The following TAS2R1 variants were observed in gnomAD, a reference collection of about 807,000 sequenced individuals.
TAS2R1 encodes the protein taste receptor type 2 member 1.
For missense variants in TAS2R1, 370 were observed against 353.4 expected (o/e 1.05, Z -0.38); for synonymous variants, 141 against 134.2 (o/e 1.05, Z -0.35).
the TAS2R1 span, among the ~76,000 whole-genome samples, chr5:9,880,923 G>A: frequency 1.3e-5 from 2 of 152,122 alleles, no homozygotes; most frequent in East Asian, 3.9e-4. Context: ...CCTCGCTGCA[G>A]GAATTTCAGC....
chr5:9,772,453 G>A, the TAS2R1 span, among the ~76,000 whole-genome samples: 8 of 152,006 alleles, frequency 5.3e-5, no homozygotes, highest in South Asian at 2.1e-4. Flanking sequence ...TGATCTTTGC[G>A]CTGAGGAGAA....
chr5:9,768,795 C>T, the TAS2R1 span, among the ~76,000 whole-genome samples: 1 of 152,078 alleles, frequency 6.6e-6, no homozygotes, highest in Non-Finnish European at 1.5e-5. Context: ...TTTATGGGTA[C>T]GTAATAGGTG....
the TAS2R1 span, among the ~76,000 whole-genome samples, chr5:9,840,465 G>C: frequency 2.0e-5 from 3 of 152,000 alleles, no homozygotes; most frequent in Non-Finnish European, 2.9e-5. Context: ...ATAAAGATTA[G>C]GGCATGCACT....
chr5:9,777,730 T>C, the TAS2R1 span, among the ~76,000 whole-genome samples: 2 of 152,248 alleles, frequency 1.3e-5, no homozygotes, highest in Non-Finnish European at 2.9e-5. Flanking sequence ...TATAGCCTTA[T>C]GAAAACATTT....
the TAS2R1 span, among the ~76,000 whole-genome samples, chr5:9,740,056 T>A: frequency 6.6e-6 from 1 of 151,986 alleles, no homozygotes; most frequent in African/African-American, 2.4e-5. Context: ...ATCACAGGAG[T>A]TGTCTAGTCC....
chr5:9,797,600 G>C, the TAS2R1 span, among the ~76,000 whole-genome samples: 2 of 152,146 alleles, frequency 1.3e-5, no homozygotes, highest in South Asian at 4.1e-4. Context: ...GGTTGTTGAT[G>C]ATGATGCCAC....
intron 1 of TAS2R1, among the ~76,000 whole-genome samples, chr5:9,663,082 C>T (rs1053194136): frequency 1.3e-5 from 2 of 152,160 alleles, no homozygotes; most frequent in East Asian, 1.9e-4. Flanking sequence ...TACAATTCTA[C>T]GTTATATTTG....
the TAS2R1 span, among the ~76,000 whole-genome samples, chr5:9,862,662 G>C: frequency 7.9e-5 from 12 of 152,170 alleles, no homozygotes; most frequent in African/African-American, 2.9e-4. Context: ...GAATGCAGTG[G>C]CGTGATCTCA....
chr5:9,659,518 C>T (rs1740487951), exon 2 of TAS2R1: 1 of 151,708 alleles, frequency 6.6e-6, no homozygotes, highest in Non-Finnish European at 1.5e-5. Flanking sequence ...TGGAGATGGC[C>T]CACGCTGGTG....
At chr5:9,745,194 G>C in the TAS2R1 span, among the ~76,000 whole-genome samples, 1 of 152,168 alleles carries the variant, frequency 6.6e-6, no homozygotes, top group African/African-American at 2.4e-5. Context: ...TCTAGGAAAG[G>C]TTAGGAGGTA....
At chr5:9,734,410 C>T in the TAS2R1 span, among the ~76,000 whole-genome samples, 4 of 152,094 alleles carry the variant, frequency 2.6e-5, no homozygotes, top group Admixed American at 6.6e-5. Context: ...CTGAAATGAA[C>T]GGACTCTAAT....
the TAS2R1 span, among the ~76,000 whole-genome samples, chr5:9,763,312 G>A: frequency 6.6e-6 from 1 of 152,116 alleles, no homozygotes; most frequent in Non-Finnish European, 1.5e-5. Flanking sequence ...AGACCATCCT[G>A]GTCAATATGG....
At chr5:9,773,163 T>A in the TAS2R1 span, among the ~76,000 whole-genome samples, 1 of 152,074 alleles carries the variant, frequency 6.6e-6, no homozygotes, top group Non-Finnish European at 1.5e-5. Context: ...TTTCATTTTT[T>A]TTGTGTGTAT....
At chr5:9,888,817 A>G in the TAS2R1 span, among the ~76,000 whole-genome samples, 1 of 152,164 alleles carries the variant, frequency 6.6e-6, no homozygotes, top group Non-Finnish European at 1.5e-5. Flanking sequence ...TGGGTGGGGG[A>G]GGAGTGAGCA....
the TAS2R1 span, among the ~76,000 whole-genome samples, chr5:9,832,080 A>G: frequency 6.6e-6 from 1 of 152,224 alleles, no homozygotes; most frequent in Non-Finnish European, 1.5e-5. Context: ...TATCAAGTCC[A>G]GCTCATCTCC....
At chr5:9,902,003 C>T in the TAS2R1 span, among the ~76,000 whole-genome samples, 1 of 152,108 alleles carries the variant, frequency 6.6e-6, no homozygotes, top group Non-Finnish European at 1.5e-5. Context: ...AGATGCTACT[C>T]CTGTTAATCT....
intron 1 of TAS2R1, among the ~76,000 whole-genome samples, chr5:9,704,844 G>A (rs1262458085): frequency 1.3e-5 from 2 of 152,196 alleles, no homozygotes; most frequent in African/African-American, 4.8e-5. Flanking sequence ...CAAACTTCTT[G>A]AAGGAAAATT....
chr5:9,630,358 C>T, upstream of TAS2R1: 1 of 198,030 alleles, frequency 5.0e-6, no homozygotes, highest in Non-Finnish European at 1.1e-5. Flanking sequence ...AGAACAGCTC[C>T]TCCATAGTAA....
chr5:9,868,741 A>G, the TAS2R1 span, among the ~76,000 whole-genome samples: 1 of 152,342 alleles, frequency 6.6e-6, no homozygotes, highest in Non-Finnish European at 1.5e-5. Context: ...ATTAGGCTGC[A>G]AAATTTCCAA....
Sources: gnomAD v4.1 joint callset for allele counts (sites outside exome capture counted in the v4.1 genomes callset) on GRCh38, gnomAD v4.1.1 for gene constraint, MANE v1.5 for transcripts, NCBI Gene and HGNC (gene_info 2026-07-23, HGNC 2026-07-21) for gene names.